Variants in PCDHGA2 observed in about 807,000 individuals in gnomAD.
PCDHGA2 encodes protocadherin gamma-A2.
A neutral mutation model predicts 59.2 loss-of-function variants in PCDHGA2; 40 were observed. That is an observed-to-expected ratio of 0.68 (90% CI 0.52 to 0.88). The LOEUF (loss-of-function observed/expected upper bound fraction) is 0.88. Ranked by LOEUF, PCDHGA2 falls within the 40% of genes least tolerant of loss-of-function variation. PCDHGA2 has a pLI of 0.00. For synonymous variants in PCDHGA2, 560 were observed against 526.0 expected (o/e 1.06, Z -0.89); for missense variants, 1,226 against 1,204.0 (o/e 1.02, Z -0.27).
Position 141,339,524 on chromosome 5 carries a change from G to A in PCDHGA2, c.553G>A (p.Gly185Arg). Reference protein sequence around the residue: ...NDHFSLDVRRGADGNKYPELV... With the variant: ...NDHFSLDVRRRADGNKYPELV... The stretch of plus-strand genomic sequence containing the variant: ...CCACTTCTCCCTGGACGTGCGAAGG[G>A]GAGCTGATGGGAACAAGTACCCAGA... Residue 185 changes from glycine (G) to arginine (R), a missense_variant, in exon 1 of 4, where the codon GGA becomes AGA. Transcript: ENST00000394576. 1.2e-6 allele frequency: 2 copies of A among 1,614,138 alleles called. No individual in the cohort carries two copies. The highest frequency in any genetic ancestry group is 1.7e-6 in the Non-Finnish European group (2 of 1,180,024).
Position 141,403,164 on chromosome 5 carries a change from G to A in PCDHGA2, c.2424+61769G>A, listed in dbSNP as rs11575960. The A allele has an allele frequency of 4.9e-3, 7,986 of 1,614,050 alleles. 45 individuals are homozygous for A. Among genetic ancestry groups the A allele is most frequent in the Admixed American group, 9.4e-3 (567 of 60,028 alleles). The stretch of plus-strand genomic sequence containing the variant: ...CGAGTCCGCATCGTCTCTAGAGGTA[G>A]GACGCAGCTTTTCTCTCTGAACCCG... On this transcript the variant is annotated intron_variant, in intron 1 of 3. Coordinates refer to ENST00000394576, the MANE Select transcript of PCDHGA2 (RefSeq NM_018915.4).
chr5:141,373,266 C>T (rs894393733), intron 1 of PCDHGA2, among the ~76,000 whole-genome samples: 1 of 152,300 alleles, frequency 6.6e-6, no homozygotes, highest in Non-Finnish European at 1.5e-5. Context: ...TAAAAGTATA[C>T]ACAGATGTTG....
chr5:141,351,265 C>A, intron 1 of PCDHGA2: 1 of 1,613,896 alleles, frequency 6.2e-7, no homozygotes, highest in Non-Finnish European at 8.5e-7. Context: ...AAATTGTTGA[C>A]GAGAATGACA....
At chr5:141,388,414 A>G in intron 1 of PCDHGA2, 2 of 1,613,970 alleles carry the variant, frequency 1.2e-6, no homozygotes, top group Non-Finnish European at 1.7e-6. Context: ...CCCAGTGATC[A>G]TTTCTCACTG....
At position 141,485,122 on chromosome 5, in the gene PCDHGA2, G is replaced by A. The variant is rs1000179570; in HGVS notation, c.2425-9685G>A. The A allele has an allele frequency of 1.4e-6, 2 of 1,387,624 alleles. No individual in the cohort carries two copies. The highest frequency in any genetic ancestry group is 1.4e-5 in the African/African-American group (1 of 70,566). 86.0% of individuals were successfully genotyped at this position (1,387,624 alleles called of 1,614,324 possible). A position where few individuals can be genotyped will look rare whatever the true frequency, so the allele number is the denominator to read the frequency against. Reference sequence around the variant, plus strand: ...CAGCTGCTGTGGCTGTTTGGGGCGGGTCGGCTTCATCCGCGTCTCAGGAGC... The same window carrying A: ...CAGCTGCTGTGGCTGTTTGGGGCGGATCGGCTTCATCCGCGTCTCAGGAGC... On this transcript the variant is annotated intron_variant, in intron 1 of 3. Coordinates refer to ENST00000394576, the MANE Select transcript of PCDHGA2 (RefSeq NM_018915.4). The surrounding 1 kb of genome is among the most constrained non-coding windows in gnomAD (Gnocchi z 5.7).
At chr5:141,456,421 A>C (rs1358944131) in intron 1 of PCDHGA2, among the ~76,000 whole-genome samples, 1 of 152,150 alleles carries the variant, frequency 6.6e-6, no homozygotes, top group Non-Finnish European at 1.5e-5. Context: ...GAAACAATTC[A>C]AGTTATAGTA....
At chr5:141,430,996 G>C in intron 1 of PCDHGA2, 8 of 1,614,024 alleles carry the variant, frequency 5.0e-6, no homozygotes, top group Middle Eastern at 3.3e-4. Context: ...CCCTGAATCC[G>C]CGCAGCGGCA....
At position 141,362,552 on chromosome 5, in the gene PCDHGA2, T is replaced by C. The variant is rs190493890; in HGVS notation, c.2424+21157T>C. 340 of 1,612,744 alleles carry C rather than the reference T, an allele frequency of 2.1e-4. 1 individual carries two copies. The East Asian group carries it at 6.1e-3, about 29-fold the overall frequency. ...GTCCCTTTTGCCTCAGATACTATTT[T>C]GAAGGTGAGCTTTAATTAATTTATT... On this transcript the variant is annotated intron_variant, in intron 1 of 3. Transcript: ENST00000394576.
At position 141,405,272 on chromosome 5, in the gene PCDHGA2, A is replaced by G. The variant is rs551265067; in HGVS notation, c.2424+63877A>G. The G allele has an allele frequency of 9.3e-6, 15 of 1,614,170 alleles. No individual in the cohort carries two copies. In the South Asian group the frequency reaches 1.6e-4, roughly 18 times the overall value. On this transcript the variant is annotated intron_variant, in intron 1 of 3. Transcript: ENST00000394576. ...GAGTCACCTGATCTTCCCCCAGCCC[A>G]ACTATGCAGACACACTCATCAGCCA...
intron 1 of PCDHGA2, chr5:141,415,752 T>TG: frequency 1.6e-5 from 22 of 1,372,540 alleles, no homozygotes; most frequent in Middle Eastern, 2.6e-4. Flanking sequence ...TTTTTTTTTT[T>TG]TTTTTTTTTT....
At chr5:141,371,049 G>A (rs1334799449) in intron 1 of PCDHGA2, 11 of 1,613,826 alleles carry the variant, frequency 6.8e-6, no homozygotes, top group Non-Finnish European at 8.5e-6. Flanking sequence ...GGATGGGGGC[G>A]AGCCCTCCAG....
intron 1 of PCDHGA2, chr5:141,421,959 A>T: frequency 6.2e-7 from 1 of 1,612,798 alleles, no homozygotes; most frequent in Non-Finnish European, 8.5e-7. Flanking sequence ...CAATGTTTAC[A>T]CAGTCCGTAT....
At chr5:141,506,962 G>A (rs2099857578) in intron 3 of PCDHGA2, 1 of 152,196 alleles carries the variant, frequency 6.6e-6, no homozygotes, top group Non-Finnish European at 1.5e-5. Context: ...CCTCTCAATA[G>A]CTCTGCAAGG....
At chr5:141,389,982 C>T in intron 1 of PCDHGA2, 1 of 1,614,034 alleles carries the variant, frequency 6.2e-7, no homozygotes, top group Non-Finnish European at 8.5e-7. Context: ...GATCTCAGTG[C>T]TCTTCCTCGT....
chr5:141,365,007 C>T (rs776739278), intron 1 of PCDHGA2: 2 of 1,613,804 alleles, frequency 1.2e-6, no homozygotes, highest in African/African-American at 1.3e-5. Context: ...TCCGGCACCA[C>T]GCACATCCGT....
chr5:141,415,514 C>G, intron 1 of PCDHGA2: 2 of 1,614,178 alleles, frequency 1.2e-6, no homozygotes, highest in Non-Finnish European at 8.5e-7. Flanking sequence ...CCCAATTATG[C>G]GGACACGCTC....
At position 141,432,612 on chromosome 5, in the gene PCDHGA2, C is replaced by A. The variant is rs752901891; in HGVS notation, c.2425-62195C>A. On this transcript the variant is annotated intron_variant, in intron 1 of 3. Transcript: ENST00000394576. This position sits in a 1 kb window ranked among gnomAD's most constrained non-coding sequence, Gnocchi z 6.0. ...AAGGCCAGCGAGCCGGGACTCTTCT[C>A]GGTGGGTCTGCACACGGGCGAGGTG... 1 of 1,613,912 alleles carries A rather than the reference C, an allele frequency of 6.2e-7. No individual in the cohort carries two copies. The highest frequency in any genetic ancestry group is 1.1e-5 in the South Asian group (1 of 91,062).
In PCDHGA2 at chr5:141,384,252, CT is replaced by C; in HGVS notation, c.2424+42859del. On this transcript the variant is annotated intron_variant, in intron 1 of 3. Transcript: ENST00000394576. ...CAGACACCAACGATAACCCACCCAC[CT>C]TCCCCCACTCATCCTACTCAGTCTA... 4 of 1,613,902 alleles carry C rather than the reference CT, an allele frequency of 2.5e-6. 1 individual carries two copies. In the South Asian group the frequency reaches 4.4e-5, roughly 18 times the overall value.
chr5:141,394,756 A>G (rs757241753), intron 1 of PCDHGA2: 4 of 1,613,324 alleles, frequency 2.5e-6, no homozygotes, highest in East Asian at 4.5e-5. Flanking sequence ...GCCGTCCAGG[A>G]CCATGGCCAG....
Sources: gnomAD v4.1 joint callset for allele counts (sites outside exome capture counted in the v4.1 genomes callset) on GRCh38, gnomAD v4.1.1 for gene constraint, Gnocchi (gnomAD v3.1) non-coding constraint, MANE v1.5 for transcripts, NCBI Gene and HGNC (gene_info 2026-07-23, HGNC 2026-07-21) for gene names.